Variants in ARL10 observed in about 807,000 individuals in gnomAD.
ARL10 encodes ARF like GTPase 10.
Under a neutral mutation model 26.1 loss-of-function variants are expected in ARL10, and 23 were observed. The observed-to-expected ratio is 0.88, with a 90% confidence interval of 0.63 to 1.25. The LOEUF (loss-of-function observed/expected upper bound fraction) is 1.25, where lower values mean the gene tolerates loss of function less well. Among genes scored for constraint, ARL10 ranks in the 50% most tolerant of loss-of-function variants. ARL10 has a pLI of 0.00. For missense variants in ARL10, 300 were observed against 323.6 expected (o/e 0.93, Z 0.56); for synonymous variants, 138 against 149.1 (o/e 0.93, Z 0.54).
At chr5:176,407,032 T>C in the ARL10 span, among the ~76,000 whole-genome samples, 1 of 152,192 alleles carries the variant, frequency 6.6e-6, no homozygotes, top group Non-Finnish European at 1.5e-5. Context: ...ACTGATGTGA[T>C]ATGATTTACA....
At position 176,365,490 on chromosome 5, in the gene ARL10, C is replaced by T. The variant is rs527538131; in HGVS notation, c.-74C>T. ...GGTGGGTGGGCGCGGCCGCAGCAGT[C>T]GCAGCGGGGCCATCTTCGGCGGGCG... On this transcript the variant is annotated 5_prime_UTR_variant, in exon 1 of 4. Coordinates refer to ENST00000310389, the MANE Select transcript of ARL10 (RefSeq NM_173664.6). 22 of 1,125,292 alleles carry T rather than the reference C, an allele frequency of 2.0e-5. No individual in the cohort carries two copies. The African/African-American group carries it at 3.1e-4, about 16-fold the overall frequency. The allele number at this position is 1,125,292 out of a possible 1,614,324, so 69.7% of individuals were successfully genotyped here. A position where few individuals can be genotyped will look rare whatever the true frequency, so the allele number is the denominator to read the frequency against.
rs1377613543 is a variant in ARL10, at chr5:176,377,028, T to TG, written c.*5135dup. 1.3e-5 allele frequency: 2 copies of TG among 152,200 alleles called. No individual in the cohort carries two copies. Among genetic ancestry groups the TG allele is most frequent in the African/African-American group, 4.8e-5 (2 of 41,444 alleles). The allele number at this position is 152,200 out of a possible 1,614,324, so 9.4% of individuals were successfully genotyped here. A position where few individuals can be genotyped will look rare whatever the true frequency, so the allele number is the denominator to read the frequency against. ...TGCATTACAGCTTTGTAGTATTTAG[T>TG]GGCATCAGCATTTAGGAGAGTAGGA... On this transcript the variant is annotated 3_prime_UTR_variant, in exon 4 of 4. Coordinates refer to ENST00000310389, the MANE Select transcript of ARL10 (RefSeq NM_173664.6). The surrounding 1 kb of genome is among the most constrained non-coding windows in gnomAD (Gnocchi z 4.5).
chr5:176,384,559 G>T, downstream of ARL10: 1 of 617,974 alleles, frequency 1.6e-6, no homozygotes, highest in Non-Finnish European at 2.8e-6. Flanking sequence ...GGCCGAGGTG[G>T]GAGGATCTCT....
chr5:176,397,537 C>T (rs1334490527), intron 1 of ARL10: 2 of 657,442 alleles, frequency 3.0e-6, no homozygotes, highest in South Asian at 4.1e-5. Context: ...CATGTCCCCA[C>T]GGCCCCCTCA....
the ARL10 span, among the ~76,000 whole-genome samples, chr5:176,412,333 T>C: frequency 6.6e-6 from 1 of 152,140 alleles, no homozygotes; most frequent in South Asian, 2.1e-4. Context: ...TATCATACAG[T>C]ATCCTGCACC....
At chr5:176,411,494 C>T in the ARL10 span, among the ~76,000 whole-genome samples, 1 of 152,188 alleles carries the variant, frequency 6.6e-6, no homozygotes, top group African/African-American at 2.4e-5. Context: ...TTAAAGGCCT[C>T]CCTGACCACA....
At chr5:176,411,504 A>AC in the ARL10 span, among the ~76,000 whole-genome samples, 1 of 151,430 alleles carries the variant, frequency 6.6e-6, no homozygotes, top group South Asian at 2.1e-4. Flanking sequence ...CCCTGACCAC[A>AC]CCCCCATCCA....
downstream of ARL10, chr5:176,401,995 T>A: frequency 3.1e-6 from 1 of 320,110 alleles, no homozygotes; most frequent in Non-Finnish European, 6.2e-6. Flanking sequence ...CGATTTATCA[T>A]GTCACACTTT....
At chr5:176,385,728 T>C (rs1200800570), downstream of ARL10, among the ~76,000 whole-genome samples, 2 of 152,194 alleles carry the variant, frequency 1.3e-5, no homozygotes, top group East Asian at 1.9e-4. Flanking sequence ...TGATGTATTA[T>C]TGCAACACAT....
chr5:176,366,315 G>T, intron 1 of ARL10, 65 bp from the exon 2 acceptor site: 1 of 1,526,412 alleles, frequency 6.6e-7, no homozygotes, highest in Non-Finnish European at 8.8e-7. Flanking sequence ...GGTGCCTTCG[G>T]TCTTCCCTCG....
rs894829980 is a variant in ARL10 at position 176,377,669 on chromosome 5, G to C, written c.*5774G>C. ...TTATGGGTTTGACAAACCAGATATT[G>C]GTTATAACCCATTTCAGCATTTTAC... is the stretch of plus-strand genomic sequence containing the variant. On this transcript the variant is annotated 3_prime_UTR_variant, in exon 4 of 4. Coordinates refer to ENST00000310389, the MANE Select transcript of ARL10 (RefSeq NM_173664.6). The surrounding 1 kb of genome is among the most constrained non-coding windows in gnomAD (Gnocchi z 4.5). 23 of 152,154 alleles carry C rather than the reference G, an allele frequency of 1.5e-4. No individual in the cohort carries two copies. The highest frequency in any genetic ancestry group is 1.5e-3 in the Admixed American group (23 of 15,272). 9.4% of individuals were successfully genotyped at this position (152,154 alleles called of 1,614,324 possible). A position where few individuals can be genotyped will look rare whatever the true frequency, so the allele number is the denominator to read the frequency against.
At chr5:176,408,337 C>A in the ARL10 span, among the ~76,000 whole-genome samples, 1 of 151,586 alleles carries the variant, frequency 6.6e-6, no homozygotes, top group Non-Finnish European at 1.5e-5. Flanking sequence ...GAGTTCGAGA[C>A]CAGCCTGGCC....
intron 1 of ARL10, among the ~76,000 whole-genome samples, chr5:176,400,234 GAAT>G (rs888352254): frequency 7.3e-5 from 11 of 150,350 alleles, no homozygotes; most frequent in African/African-American, 2.7e-4. Flanking sequence ...AGAAAAAAAG[GAAT>G]AATATTAAGA....
At chr5:176,394,641 C>G (rs376441969) in intron 1 of ARL10, among the ~76,000 whole-genome samples, 6 of 127,968 alleles carry the variant, frequency 4.7e-5, no homozygotes, top group African/African-American at 1.6e-4. Context: ...GGTGAAACCC[C>G]GTCTCTACTA....
intron 1 of ARL10, chr5:176,398,090 GC>G: frequency 1.3e-6 from 2 of 1,566,930 alleles, no homozygotes; most frequent in South Asian, 2.2e-5. Flanking sequence ...CAGCACACCT[GC>G]CCCGCTGTCT....
chr5:176,395,294 G>A (rs902493485), intron 1 of ARL10, among the ~76,000 whole-genome samples: 11 of 152,220 alleles, frequency 7.2e-5, no homozygotes, highest in Non-Finnish European at 1.5e-4. Context: ...TCCCCAGGCA[G>A]AGAGTGGCTT....
intron 1 of ARL10, among the ~76,000 whole-genome samples, chr5:176,387,444 G>A (rs1048070949): frequency 5.3e-5 from 8 of 152,168 alleles, no homozygotes; most frequent in Non-Finnish European, 1.2e-4. Flanking sequence ...CTAATGAATG[G>A]GCTTCGCGAA....
In ARL10 at chr5:176,381,807, T is replaced by C. The variant is rs1755558009; in HGVS notation, c.*9912T>C. On this transcript the variant is annotated 3_prime_UTR_variant, in exon 4 of 4. Coordinates refer to ENST00000310389, the MANE Select transcript of ARL10 (RefSeq NM_173664.6). Reference sequence around the variant, plus strand: ...TTGAGGGGGTCCCTGGGGTCCCTTTTTACCTAATGAAGATCTGTCTGAGTC... The same window carrying C: ...TTGAGGGGGTCCCTGGGGTCCCTTTCTACCTAATGAAGATCTGTCTGAGTC... The C allele has an allele frequency of 6.6e-6, 1 of 152,252 alleles. No homozygotes were observed. Among genetic ancestry groups the C allele is most frequent in the African/African-American group, 2.4e-5 (1 of 41,464 alleles). The allele number at this position is 152,252 out of a possible 1,614,324, so 9.4% of individuals were successfully genotyped here. A position where few individuals can be genotyped will look rare whatever the true frequency, so the allele number is the denominator to read the frequency against.
chr5:176,393,173 A>T (rs1011194520), downstream of ARL10, among the ~76,000 whole-genome samples: 2 of 151,916 alleles, frequency 1.3e-5, no homozygotes, highest in Non-Finnish European at 2.9e-5. The surrounding 1 kb of genome is among the most constrained non-coding windows in gnomAD (Gnocchi z 4.4). Context: ...CTTCTCCCAG[A>T]CCTGTTCCTG....
Sources: gnomAD v4.1 joint callset for allele counts (sites outside exome capture counted in the v4.1 genomes callset) on GRCh38, gnomAD v4.1.1 for gene constraint, Gnocchi (gnomAD v3.1) non-coding constraint, MANE v1.5 for transcripts, NCBI Gene and HGNC (gene_info 2026-07-23, HGNC 2026-07-21) for gene names.